ACAP2: variants seen among roughly 807,000 people sequenced by gnomAD.
ACAP2 encodes the protein ArfGAP with coiled-coil, ankyrin repeat and PH domains 2.
Under a neutral mutation model 115.8 loss-of-function variants are expected in ACAP2, and 39 were observed. The observed-to-expected ratio is 0.34, with a 90% CI of 0.26 to 0.44. ACAP2 has a LOEUF of 0.44. ACAP2 is among the 20% of genes least tolerant of loss of function. The pLI is 1.00. For missense variants in ACAP2, 662 were observed against 927.6 expected, an observed-to-expected ratio of 0.71 and a Z score of 3.72; for synonymous variants, 289 against 315.8, an observed-to-expected ratio of 0.92 and a Z score of 0.90.
At chr3:195,394,917 CTTT>C (rs57869834) in intron 1 of ACAP2, among the ~76,000 whole-genome samples, 3 of 134,160 alleles carry the variant, frequency 2.2e-5, no homozygotes, top group Admixed American at 7.6e-5. Context: ...GACTCCATCT[CTTT>C]TTTTTTTTTT....
intron 6 of ACAP2, among the ~76,000 whole-genome samples, chr3:195,337,832 A>T (rs1031059132): frequency 4.7e-5 from 7 of 150,526 alleles, no homozygotes; most frequent in African/African-American, 1.7e-4. Context: ...GCCCAGTGTG[A>T]TGTGGCCCCT....
intron 10 of ACAP2, among the ~76,000 whole-genome samples, chr3:195,314,270 T>C (rs1728949918): frequency 6.7e-6 from 1 of 149,500 alleles, no homozygotes; most frequent in Non-Finnish European, 1.5e-5. Context: ...AAGATTTTTT[T>C]TTTTTCTTTT....
chr3:195,325,289 A>C (rs939867920), intron 9 of ACAP2, among the ~76,000 whole-genome samples: 44 of 152,180 alleles, frequency 2.9e-4, no homozygotes, highest in African/African-American at 9.9e-4. Context: ...GAAATGTAAA[A>C]TGCGTGCACG....
intron 4 of ACAP2, among the ~76,000 whole-genome samples, chr3:195,369,775 G>C (rs1384463259): frequency 1.3e-5 from 2 of 152,188 alleles, no homozygotes; most frequent in Admixed American, 6.5e-5. Context: ...TATATACCTT[G>C]TAATGGGATT....
At position 195,278,815 on chromosome 3, in the gene ACAP2, T is replaced by C. The variant is rs1157229015; in HGVS notation, c.*513A>G. Reference sequence around the variant, plus strand: ...TCTAGTTCTAATAAATCATATATTATGTGTATGAAAGCTAGGTTACCAAAA... The same window carrying C: ...TCTAGTTCTAATAAATCATATATTACGTGTATGAAAGCTAGGTTACCAAAA... On this transcript the variant is annotated 3_prime_UTR_variant, in exon 23 of 23. Transcript: ENST00000326793. 6.6e-6 allele frequency: 1 copy of C among 152,564 alleles called. No homozygotes were observed. Among genetic ancestry groups the C allele is most frequent in the Non-Finnish European group, 1.5e-5 (1 of 68,328 alleles). 9.5% of individuals were successfully genotyped at this position (152,564 alleles called of 1,614,324 possible). A position where few individuals can be genotyped will look rare whatever the true frequency, so the allele number is the denominator to read the frequency against.
chr3:195,288,473 C>T lies in ACAP2; in HGVS notation c.2174+648G>A, dbSNP rs547946897. Among the ~76,000 whole-genome samples the T allele has an allele frequency of 1.7e-4, 26 of 152,156 alleles. 1 individual carries two copies. The highest frequency in any genetic ancestry group is 4.2e-4 in the South Asian group (2 of 4,798). ...AGCACTGTGTGCAAGTACAGTTGGC[C>T]GCTGTCCTTCTCTGTGGGTTCAACC... is the stretch of plus-strand genomic sequence containing the variant. On this transcript the variant is annotated intron_variant, in intron 21 of 22. Transcript: ENST00000326793.
At chr3:195,295,499 T>C in intron 17 of ACAP2, 2 of 636,016 alleles carry the variant, frequency 3.1e-6, no homozygotes, top group Middle Eastern at 3.3e-4. Context: ...TTCCTTAGAA[T>C]ATACACATTA....
intron 8 of ACAP2, among the ~76,000 whole-genome samples, chr3:195,328,259 CA>C (rs1729929508): frequency 6.6e-6 from 1 of 152,038 alleles, no homozygotes; most frequent in Non-Finnish European, 1.5e-5. Flanking sequence ...GAAAGATAAG[CA>C]TTAAATGTCT....
chr3:195,292,758 C>T (rs1349662352), intron 18 of ACAP2, among the ~76,000 whole-genome samples: 1 of 151,678 alleles, frequency 6.6e-6, no homozygotes, highest in Non-Finnish European at 1.5e-5. Flanking sequence ...CTCGTCTTTA[C>T]TAAAAATACA....
At chr3:195,288,887 T>A (rs143208738) in intron 21 of ACAP2, among the ~76,000 whole-genome samples, 412 of 152,252 alleles carry the variant, frequency 2.7e-3, no homozygotes, top group African/African-American at 9.4e-3. Context: ...CACTATAGTA[T>A]AACAACTACA....
At chr3:195,317,348 CATTT>C (rs774146393) in intron 10 of ACAP2, among the ~76,000 whole-genome samples, 1 of 152,052 alleles carries the variant, frequency 6.6e-6, no homozygotes, top group Non-Finnish European at 1.5e-5. Flanking sequence ...TACTAATGTC[CATTT>C]TTTTAAAATA....
Position 195,285,783 on chromosome 3 carries a change from G to A in ACAP2, c.2236+13C>T, listed in dbSNP as rs1336579091. ...ATACTGCATTTCAGTATGGTTATTA[G>A]TAGAATATTGACCTGGCTGTCCATA... On this transcript the variant is annotated intron_variant, in intron 22 of 22. Coordinates refer to ENST00000326793, the MANE Select transcript of ACAP2 (RefSeq NM_012287.6). 1.9e-6 allele frequency: 3 copies of A among 1,602,742 alleles called. No homozygotes were observed. Among genetic ancestry groups the A allele is most frequent in the Non-Finnish European group, 2.6e-6 (3 of 1,171,846 alleles).
At chr3:195,405,180 G>A (rs183947351) in intron 1 of ACAP2, among the ~76,000 whole-genome samples, 113 of 152,150 alleles carry the variant, frequency 7.4e-4, no homozygotes, top group African/African-American at 2.3e-3. Context: ...GACAAGGTAC[G>A]GACAGATCGA....
At chr3:195,375,121 G>A (rs1286384967) in intron 4 of ACAP2, among the ~76,000 whole-genome samples, 3 of 151,844 alleles carry the variant, frequency 2.0e-5, no homozygotes, top group Non-Finnish European at 2.9e-5. Context: ...GAACCCGGGA[G>A]GCAGAGGTTG....
chr3:195,424,901 G>A (rs775593320), intron 1 of ACAP2, among the ~76,000 whole-genome samples: 25 of 119,580 alleles, frequency 2.1e-4, no homozygotes, highest in Non-Finnish European at 3.9e-4. Context: ...GAGTGATAGA[G>A]TGAGACCCTG....
At chr3:195,408,470 A>G (rs1016179152) in intron 1 of ACAP2, among the ~76,000 whole-genome samples, 4 of 152,182 alleles carry the variant, frequency 2.6e-5, no homozygotes, top group African/African-American at 9.7e-5. Flanking sequence ...TCTCAAAAAA[A>G]GAAAAAAAAA....
intron 10 of ACAP2, among the ~76,000 whole-genome samples, chr3:195,316,249 G>C (rs1729084445): frequency 6.6e-6 from 1 of 150,698 alleles, no homozygotes; most frequent in African/African-American, 2.4e-5. Context: ...AAATTTGTCA[G>C]GAAAGGCTTA....
intron 10 of ACAP2, among the ~76,000 whole-genome samples, chr3:195,318,787 T>C (rs2109022741): frequency 6.6e-6 from 1 of 152,262 alleles, no homozygotes; most frequent in East Asian, 1.9e-4. Flanking sequence ...CCATGAGGTA[T>C]AAAAGAAAAA....
At chr3:195,301,432 A>G (rs1050373888) in intron 15 of ACAP2, 143 bp downstream of exon 15, 1 of 692,888 alleles carries the variant, frequency 1.4e-6, no homozygotes, top group African/African-American at 1.8e-5. Context: ...CAGATTTGCC[A>G]AAATAGCCTC....
Sources: allele counts gnomAD v4.1 joint callset (sites outside exome capture counted in the v4.1 genomes callset), GRCh38; gene constraint gnomAD v4.1.1; transcripts MANE v1.5; gene names NCBI Gene and HGNC (gene_info 2026-07-23, HGNC 2026-07-21).